Variants in NHSL2 observed in about 807,000 individuals in gnomAD.
NHSL2 encodes the protein NHS-like protein 2.
A neutral mutation model predicts 53.4 loss-of-function variants in NHSL2; 27 were observed. That is an observed-to-expected ratio of 0.51 (90% CI 0.37 to 0.70). NHSL2 has a LOEUF of 0.70. NHSL2 is among the 30% of genes least tolerant of loss of function. NHSL2 has a pLI of 0.00. For synonymous variants in NHSL2, 408 were observed against 404.1 expected, an observed-to-expected ratio of 1.01 and a Z score of -0.12; for missense variants, 892 against 980.1, an observed-to-expected ratio of 0.91 and a Z score of 1.20.
rs746457648 is a variant in NHSL2, at chrX:71,925,693, G to A, written c.280+14326G>A. 1.5e-4 allele frequency among the ~76,000 whole-genome samples: 17 copies of A among 111,940 alleles called. No individual in the cohort carries two copies. The East Asian group carries it at 4.7e-3, about 31-fold the overall frequency. ...CATGTTTTTATTGTTATCTTTAAGA[G>A]CTTTCTGTGTGCCTGACAATATATA... On this transcript the variant is annotated intron_variant, in intron 1 of 7. Transcript: ENST00000633930.
chrX:72,134,878 G>A (rs1016991038), intron 4 of NHSL2, among the ~76,000 whole-genome samples, 174 bp downstream of exon 4: 1 of 112,799 alleles, frequency 8.9e-6, no homozygotes, highest in Non-Finnish European at 1.9e-5. Flanking sequence ...AAGAGGGGGC[G>A]CTGGCTGCTC....
chrX:72,115,438 G>C (rs891271686), intron 1 of NHSL2, among the ~76,000 whole-genome samples: 1 of 87,315 alleles, frequency 1.1e-5, no homozygotes, highest in Non-Finnish European at 2.3e-5. Context: ...GGGCGGGGGG[G>C]GGGTGCGGGG....
intron 1 of NHSL2, among the ~76,000 whole-genome samples, chrX:72,049,061 C>T (rs866697749): frequency 2.8e-5 from 2 of 71,595 alleles, no homozygotes; most frequent in Non-Finnish European, 5.5e-5. Flanking sequence ...AGAAGAGGAG[C>T]AGGAGGAGGA....
In NHSL2 at chrX:72,139,346, A is replaced by AGCCTTT; in HGVS notation, c.1803_1808dup (p.Cys602_Leu603dup). ...ACTACCCAAGGACCAGAGGCCCAAG[A>AGCCTTT]GCCTTTGCCTCTCCTTGGAACATCA... is the stretch of plus-strand genomic sequence containing the variant. On this transcript the variant is annotated inframe_insertion, in exon 6 of 8. Coordinates refer to ENST00000633930, the MANE Select transcript of NHSL2 (RefSeq NM_001013627.3). 8.3e-7 allele frequency: 1 copy of AGCCTTT among 1,209,582 alleles called. No individual in the cohort carries two copies.
chrX:72,128,550 C>G (rs777468531), intron 1 of NHSL2: 1 of 112,739 alleles, frequency 8.9e-6, no homozygotes, highest in South Asian at 3.6e-4. Flanking sequence ...TGAGTTTGTA[C>G]CTAGAAGTCC....
At chrX:71,977,614 T>C (rs1434492117) in intron 1 of NHSL2, among the ~76,000 whole-genome samples, 2 of 110,929 alleles carry the variant, frequency 1.8e-5, no homozygotes, top group Non-Finnish European at 3.8e-5. Flanking sequence ...GCTTTCGTCA[T>C]GTTGCTTAGC....
At chrX:72,089,535 A>G (rs1216703635) in intron 1 of NHSL2, among the ~76,000 whole-genome samples, 1 of 111,161 alleles carries the variant, frequency 9.0e-6, no homozygotes, top group Non-Finnish European at 1.9e-5. Context: ...ATCTAGGTGC[A>G]TAGAGCATGA....
rs371878361 is a variant in NHSL2 at position 71,952,681 on chromosome X, T to C, written c.280+41314T>C. 6.0e-3 allele frequency among the ~76,000 whole-genome samples: 664 copies of C among 110,473 alleles called. 2 individuals carry two copies. The highest frequency in any genetic ancestry group is 9.3e-3 in the Middle Eastern group (2 of 216). On this transcript the variant is annotated intron_variant, in intron 1 of 7. Coordinates refer to ENST00000633930, the MANE Select transcript of NHSL2 (RefSeq NM_001013627.3). ...GGCCTCACCTCTTAATACTATCACA[T>C]TGGGTATTGGGTTCCAACATACGAA...
intron 1 of NHSL2, among the ~76,000 whole-genome samples, chrX:72,047,042 T>G (rs1019142382): frequency 1.8e-5 from 2 of 111,901 alleles, no homozygotes; most frequent in Non-Finnish European, 3.8e-5. Flanking sequence ...CAAAATGCAC[T>G]GTGATGAGCA....
chrX:72,003,755 G>A (rs1018446651), intron 1 of NHSL2, among the ~76,000 whole-genome samples: 6 of 111,405 alleles, frequency 5.4e-5, no homozygotes, highest in Admixed American at 2.9e-4. Flanking sequence ...TCTGTATTGC[G>A]GGCCTGACAG....
intron 1 of NHSL2, among the ~76,000 whole-genome samples, chrX:72,123,168 G>A (rs1424359686): frequency 2.7e-5 from 3 of 112,335 alleles, no homozygotes; most frequent in Non-Finnish European, 5.6e-5. Context: ...TTAAGGGAAA[G>A]GGAATGGAGT....
intron 1 of NHSL2, among the ~76,000 whole-genome samples, chrX:72,016,197 T>C (rs1042769836): frequency 1.8e-5 from 2 of 112,601 alleles, no homozygotes; most frequent in Non-Finnish European, 3.8e-5. Context: ...TTTTATCAAA[T>C]GGAAAGCTAG....
intron 1 of NHSL2, among the ~76,000 whole-genome samples, chrX:71,982,248 A>G (rs1240565352): frequency 1.8e-5 from 2 of 112,475 alleles, no homozygotes; most frequent in African/African-American, 6.5e-5. Flanking sequence ...GTATGATTCC[A>G]TTTCTATAAA....
intron 1 of NHSL2, among the ~76,000 whole-genome samples, chrX:72,115,416 G>A (rs1191162817): frequency 2.6e-5 from 2 of 77,128 alleles, no homozygotes; most frequent in Admixed American, 1.4e-4. Flanking sequence ...TGAACCTCCC[G>A]AAGTTTGGTG....
chrX:72,070,330 G>A (rs1237707430), intron 1 of NHSL2, among the ~76,000 whole-genome samples: 4 of 110,552 alleles, frequency 3.6e-5, no homozygotes, highest in Non-Finnish European at 7.6e-5. Context: ...ATGCATGGGC[G>A]AGAAGAGCAT....
chrX:71,920,756 A>G (rs770599769), intron 1 of NHSL2, among the ~76,000 whole-genome samples: 12 of 112,164 alleles, frequency 1.1e-4, no homozygotes, highest in Non-Finnish European at 1.9e-4. Context: ...GATCTCGCAG[A>G]TGAATTAATT....
chrX:72,006,277 C>T (rs187018076), intron 1 of NHSL2, among the ~76,000 whole-genome samples: 46 of 112,348 alleles, frequency 4.1e-4, no homozygotes, highest in Non-Finnish European at 8.3e-4. Flanking sequence ...CTTGCATTCT[C>T]ACCCACTGCG....
At chrX:72,033,883 C>CT (rs1213524095) in intron 1 of NHSL2, among the ~76,000 whole-genome samples, 5 of 111,500 alleles carry the variant, frequency 4.5e-5, no homozygotes, top group African/African-American at 1.6e-4. Flanking sequence ...CCTTTTCTTT[C>CT]TTTTTCTAGC....
At chrX:72,107,296 TAAAC>T (rs1417668473) in intron 1 of NHSL2, among the ~76,000 whole-genome samples, 6 of 110,761 alleles carry the variant, frequency 5.4e-5, no homozygotes, top group Non-Finnish European at 1.1e-4. Context: ...AATAAATAAA[TAAAC>T]AATAAATAAA....
Sources: gnomAD v4.1 joint callset for allele counts (sites outside exome capture counted in the v4.1 genomes callset) on GRCh38, gnomAD v4.1.1 for gene constraint, MANE v1.5 for transcripts, NCBI Gene and HGNC (gene_info 2026-07-23, HGNC 2026-07-21) for gene names.